The following NCOA1 variants were observed in gnomAD, a reference collection of about 807,000 sequenced individuals.
The protein encoded by NCOA1 is nuclear receptor coactivator 1, also known as Hin-2 protein.
A neutral mutation model predicts 150.9 loss-of-function variants in NCOA1; 35 were observed. That is an observed-to-expected ratio of 0.23 (90% confidence interval 0.18 to 0.31). The LOEUF (loss-of-function observed/expected upper bound fraction) is 0.31, where lower values mean the gene tolerates loss of function less well. Ranked by LOEUF, NCOA1 falls within the 10% of genes least tolerant of loss-of-function variation. The pLI is 1.00. For missense variants in NCOA1, 1,491 were observed against 1,749.3 expected (o/e 0.85, Z 2.63); for synonymous variants, 590 against 630.0 (o/e 0.94, Z 0.95).
At chr2:24,616,054 G>A (rs1668860159) in intron 3 of NCOA1, among the ~76,000 whole-genome samples, 1 of 152,168 alleles carries the variant, frequency 6.6e-6, no homozygotes, top group African/African-American at 2.4e-5. Context: ...CTCTTTATAT[G>A]TAATACTGAA....
chr2:24,752,279 A>G, intron 20 of NCOA1, 123 bp downstream of exon 20: 1 of 1,128,478 alleles, frequency 8.9e-7, no homozygotes, highest in Non-Finnish European at 1.2e-6. Flanking sequence ...CGGACACAAA[A>G]GGCCACATAT....
chr2:24,646,699 C>A (rs1670489797), intron 4 of NCOA1, among the ~76,000 whole-genome samples: 1 of 147,194 alleles, frequency 6.8e-6, no homozygotes, highest in Admixed American at 6.8e-5. Flanking sequence ...TTTCTTTTTT[C>A]TTCTTTCTTT....
intron 11 of NCOA1, 136 bp from the exon 12 acceptor site, chr2:24,704,950 C>A: frequency 1.3e-6 from 1 of 791,978 alleles, no homozygotes; most frequent in Admixed American, 2.8e-5. Context: ...CTGAACTATT[C>A]TTTATTCTGA....
rs555386598 is a variant in NCOA1, at chr2:24,558,300, A to G, written c.-395-5995A>G. Among the ~76,000 whole-genome samples, 95 of 152,296 alleles carry G rather than the reference A, an allele frequency of 6.2e-4. 1 individual carries two copies. The highest frequency in any genetic ancestry group is 2.0e-3 in the African/African-American group (84 of 41,560). On this transcript the variant is annotated intron_variant, in intron 1 of 22. Coordinates refer to ENST00000348332, the MANE Select transcript of NCOA1 (RefSeq NM_003743.5). ...AAGTTTGTTTGCCTGTGTGCAACGG[A>G]AAACTGTATTAGTCCATTTTCACGC... is the stretch of plus-strand genomic sequence containing the variant.
chr2:24,638,180 CTTTTTTTTTTTTT>C (rs544369191), intron 3 of NCOA1, among the ~76,000 whole-genome samples: 1,205 of 89,552 alleles, frequency 0.013, 39 homozygotes, highest in African/African-American at 0.043. Context: ...ATGAGATCAA[CTTTTTTTTTTTTT>C]TTTTTTTTTT....
At chr2:24,741,235 A>C (rs936844469) in intron 18 of NCOA1, among the ~76,000 whole-genome samples, 1 of 151,454 alleles carries the variant, frequency 6.6e-6, no homozygotes, top group African/African-American at 2.4e-5. Flanking sequence ...GAAAATTAAA[A>C]TCACCTATAA....
intron 1 of NCOA1, among the ~76,000 whole-genome samples, chr2:24,557,918 C>T (rs1666137287): frequency 6.6e-6 from 1 of 151,158 alleles, no homozygotes. Context: ...ATGATATATC[C>T]ATGTATGTTT....
intron 2 of NCOA1, among the ~76,000 whole-genome samples, chr2:24,581,437 A>T (rs1667189993): frequency 6.6e-6 from 1 of 152,126 alleles, no homozygotes; most frequent in South Asian, 2.1e-4. Context: ...TGCTGGTGGG[A>T]GTGGGAGCTA....
At chr2:24,753,369 G>GA (rs369636824) in intron 20 of NCOA1, among the ~76,000 whole-genome samples, 91 of 146,028 alleles carry the variant, frequency 6.2e-4, no homozygotes, top group Middle Eastern at 3.5e-3. Flanking sequence ...ATGGCTTGGG[G>GA]AAAAAAAAAA....
At chr2:24,660,468 A>G (rs1469035828) in intron 5 of NCOA1, among the ~76,000 whole-genome samples, 1 of 152,002 alleles carries the variant, frequency 6.6e-6, no homozygotes, top group East Asian at 1.9e-4. Context: ...TGTATTTTAT[A>G]TATATACACA....
At chr2:24,519,810 A>AT (rs1186825482) in intron 1 of NCOA1, among the ~76,000 whole-genome samples, 3 of 152,120 alleles carry the variant, frequency 2.0e-5, no homozygotes, top group Non-Finnish European at 4.4e-5. Flanking sequence ...TAGTAGCAGT[A>AT]TTTTTTGAAA....
At chr2:24,516,274 G>A (rs1392539072) in intron 1 of NCOA1, among the ~76,000 whole-genome samples, 1 of 138,204 alleles carries the variant, frequency 7.2e-6, no homozygotes, top group Non-Finnish European at 1.5e-5. Flanking sequence ...CCCACTGCAA[G>A]CTCCGCCTCC....
chr2:24,714,741 A>G (rs1027427386), intron 14 of NCOA1, among the ~76,000 whole-genome samples: 1 of 152,126 alleles, frequency 6.6e-6, no homozygotes, highest in Non-Finnish European at 1.5e-5. Flanking sequence ...TATAAATAAT[A>G]CATAATTATG....
chr2:24,581,480 G>A (rs1036192089), intron 2 of NCOA1, among the ~76,000 whole-genome samples: 1 of 151,920 alleles, frequency 6.6e-6, no homozygotes, highest in Non-Finnish European at 1.5e-5. Context: ...TTCTGTTTTT[G>A]TGTTTTTGGT....
At chr2:24,682,422 C>G (rs1227869584) in intron 7 of NCOA1, among the ~76,000 whole-genome samples, 1 of 152,048 alleles carries the variant, frequency 6.6e-6, no homozygotes, top group Non-Finnish European at 1.5e-5. Context: ...CTAACTTTTC[C>G]CGTGCTCCCT....
intron 3 of NCOA1, among the ~76,000 whole-genome samples, chr2:24,601,275 C>T (rs1572473515): frequency 6.6e-6 from 1 of 150,670 alleles, no homozygotes; most frequent in East Asian, 2.0e-4. Context: ...TACAGTGGTA[C>T]AATCAGAGCT....
rs1290502585 is a variant in NCOA1, at chr2:24,590,060, G to A, written c.-175+5500G>A. Among the ~76,000 whole-genome samples, 4 of 152,188 alleles carry A rather than the reference G, an allele frequency of 2.6e-5. No homozygotes were observed. In the East Asian group the frequency reaches 7.7e-4, roughly 29 times the overall value. ...ATCCTACTCTTTTCAATCTTGGCCA[G>A]AAAATATTAGTGTCTAACAAATTCC... On this transcript the variant is annotated intron_variant, in intron 3 of 22. Coordinates refer to ENST00000348332, the MANE Select transcript of NCOA1 (RefSeq NM_003743.5).
chr2:24,600,383 T>G (rs559674992), intron 3 of NCOA1, among the ~76,000 whole-genome samples: 59 of 152,238 alleles, frequency 3.9e-4, no homozygotes, highest in Non-Finnish European at 7.1e-4. Flanking sequence ...TTTTTTGTAT[T>G]TTTTGTAGAG....
At chr2:24,708,983 C>T (rs55812447) in intron 13 of NCOA1, among the ~76,000 whole-genome samples, 6,339 of 152,248 alleles carry the variant, frequency 0.042, 198 homozygotes, top group African/African-American at 0.09. Flanking sequence ...CCTAGTTAGA[C>T]ATTTCCTGCT....
Sources: allele counts gnomAD v4.1 joint callset (sites outside exome capture counted in the v4.1 genomes callset), GRCh38; gene constraint gnomAD v4.1.1; transcripts MANE v1.5; gene names NCBI Gene and HGNC (gene_info 2026-07-23, HGNC 2026-07-21).